The following GNL3L variants were observed in gnomAD, a reference collection of about 807,000 sequenced individuals.
GNL3L encodes the protein guanine nucleotide-binding protein-like 3-like protein.
Under a neutral mutation model 42.9 loss-of-function variants are expected in GNL3L, and 4 were observed. The observed-to-expected ratio is 0.09, with a 90% CI of 0.05 to 0.21. The LOEUF (loss-of-function observed/expected upper bound fraction) is 0.21. Among genes scored for constraint, GNL3L ranks in the 10% least tolerant of loss-of-function variants. The probability of loss-of-function intolerance (pLI) is 1.00; values close to 1 mark genes in which losing one functional copy is unlikely to be tolerated. For synonymous variants in GNL3L, 159 were observed against 176.3 expected, an observed-to-expected ratio of 0.90 and a Z score of 0.78; for missense variants, 412 against 481.7, an observed-to-expected ratio of 0.86 and a Z score of 1.36.
chrX:54,615,602 TTATCTC>T (rs1300076522), intron 16 of GNL3L, among the ~76,000 whole-genome samples: 1 of 112,120 alleles, frequency 8.9e-6, no homozygotes, highest in Non-Finnish European at 1.9e-5. Context: ...GTCTTCCCCT[TTATCTC>T]TACTAAGTAT....
intron 14 of GNL3L, among the ~76,000 whole-genome samples, chrX:54,556,497 G>C (rs187866929): frequency 2.9e-3 from 318 of 110,899 alleles, no homozygotes; most frequent in African/African-American, 0.01. Context: ...TGGGGACACA[G>C]CCAAACCCTA....
At chrX:54,557,645 G>A (rs779024453) in intron 14 of GNL3L, among the ~76,000 whole-genome samples, 10 of 109,902 alleles carry the variant, frequency 9.1e-5, no homozygotes, top group Non-Finnish European at 1.7e-4. Flanking sequence ...TGTTGGCCAG[G>A]CTGGTCTCGA....
intron 14 of GNL3L, among the ~76,000 whole-genome samples, chrX:54,556,389 G>A (rs746869025): frequency 9.0e-6 from 1 of 110,733 alleles, no homozygotes; most frequent in South Asian, 3.9e-4. Context: ...GCATGGGGGA[G>A]ACCACCCCCA....
At chrX:54,640,596 T>A in the GNL3L span, among the ~76,000 whole-genome samples, 3,525 of 112,545 alleles carry the variant, frequency 0.031, 139 homozygotes, top group African/African-American at 0.11. Context: ...ACCACCAAAA[T>A]ATATCTCTGC....
chrX:54,624,541 G>A (rs1018302477), downstream of GNL3L, among the ~76,000 whole-genome samples: 4 of 105,043 alleles, frequency 3.8e-5, no homozygotes, highest in Admixed American at 1.0e-4. Flanking sequence ...GGGTTCAAGC[G>A]ATTCTCCTGC....
At chrX:54,626,484 A>G (rs769465796), downstream of GNL3L, among the ~76,000 whole-genome samples, 1 of 111,848 alleles carries the variant, frequency 8.9e-6, no homozygotes, top group Non-Finnish European at 1.9e-5. Context: ...TGCTGCAATA[A>G]ACATAGGGGT....
rs1208170857 is a variant in GNL3L at position 54,585,304 on chromosome X, A to AT, written c.*45+24667dup. Among the ~76,000 whole-genome samples the AT allele has an allele frequency of 6.8e-4, 72 of 105,305 alleles. 1 individual carries two copies. The highest frequency in any genetic ancestry group is 9.6e-3 in the Middle Eastern group (2 of 209). 91.4% of individuals were successfully genotyped at this position (105,305 alleles called of 115,157 possible). A position where few individuals can be genotyped will look rare whatever the true frequency, so the allele number is the denominator to read the frequency against. On this transcript the variant is annotated intron_variant, in intron 16 of 16. Coordinates refer to the GNL3L transcript ENST00000674498. ...AATGAATTTTGAAGTATTTTCCCTT[A>AT]TTTTTTTTTTAGAAGATTTTGAGAA...
intron 16 of GNL3L, among the ~76,000 whole-genome samples, chrX:54,590,793 GATTT>G (rs752558764): frequency 9.3e-4 from 102 of 109,777 alleles, no homozygotes; most frequent in East Asian, 7.1e-3. Flanking sequence ...TTAGGTCTTA[GATTT>G]ATTTATTTAT....
the GNL3L span, among the ~76,000 whole-genome samples, chrX:54,642,550 T>C: frequency 9.0e-6 from 1 of 111,040 alleles, no homozygotes; most frequent in Non-Finnish European, 1.9e-5. Context: ...AAAAAATTTT[T>C]TTTCCTTCGC....
intron 14 of GNL3L, among the ~76,000 whole-genome samples, chrX:54,555,496 A>G (rs1427584187): frequency 9.2e-6 from 1 of 108,750 alleles, no homozygotes; most frequent in Non-Finnish European, 1.9e-5. Flanking sequence ...TTTGAGATGG[A>G]AACTCGCTCT....
At chrX:54,587,749 C>T (rs1420248293) in intron 16 of GNL3L, among the ~76,000 whole-genome samples, 1 of 108,985 alleles carries the variant, frequency 9.2e-6, no homozygotes, top group Non-Finnish European at 1.9e-5. Context: ...GGCACGATCT[C>T]AGCTCACTGC....
intron 9 of GNL3L, among the ~76,000 whole-genome samples, chrX:54,549,369 C>A (rs1016654371): frequency 9.0e-6 from 1 of 111,297 alleles, no homozygotes; most frequent in Non-Finnish European, 1.9e-5. Context: ...CCACACACAC[C>A]CACCCCAACG....
Position 54,544,246 on chromosome X carries a change from G to C in GNL3L, c.550G>C (p.Glu184Gln), listed in dbSNP as rs986925343. Reference protein sequence around the residue: ...KIDLVPKEVVEKWLDYLRNEL... With the variant: ...KIDLVPKEVVQKWLDYLRNEL... ...AGACCTGGTCCCCAAGGAGGTTGTG[G>C]AGAAATGGCTGGATTACCTTCGGAA... The change falls in exon 8 of 16, where the codon GAG becomes CAG. Residue 184 changes from glutamate to glutamine, a missense_variant. Coordinates refer to ENST00000360845, the MANE Select transcript of GNL3L (RefSeq NM_001184819.2). 8.4e-7 allele frequency: 1 copy of C among 1,186,499 alleles called. No individual in the cohort carries two copies. The highest frequency in any genetic ancestry group is 3.0e-5 in the East Asian group (1 of 33,621).
intron 15 of GNL3L, among the ~76,000 whole-genome samples, chrX:54,558,876 C>G (rs1023354550): frequency 8.9e-6 from 1 of 111,983 alleles, no homozygotes; most frequent in Non-Finnish European, 1.9e-5. Flanking sequence ...AGGCTGGTCT[C>G]AAACTCCTGA....
rs947211096 is a variant in GNL3L at position 54,540,417 on chromosome X, C to T, written c.189+175C>T. 7.1e-5 allele frequency among the ~76,000 whole-genome samples: 8 copies of T among 111,890 alleles called. No individual in the cohort carries two copies. The East Asian group carries it at 2.3e-3, about 31-fold the overall frequency. On this transcript the variant is annotated intron_variant, in intron 4 of 15. Coordinates refer to ENST00000360845, the MANE Select transcript of GNL3L (RefSeq NM_001184819.2). ...GATTTATGTCTGCGTTTGTTCACCA[C>T]CCAGTCCATTGCTGTCTGGCTTATG... is the stretch of plus-strand genomic sequence containing the variant.
chrX:54,584,106 G>A (rs1323377748), intron 16 of GNL3L, among the ~76,000 whole-genome samples: 3 of 97,441 alleles, frequency 3.1e-5, no homozygotes, highest in Non-Finnish European at 6.1e-5. Context: ...TTTTGAGAGC[G>A]AGAGTCTCGC....
At chrX:54,572,003 TTTTA>T (rs1407504420), downstream of GNL3L, among the ~76,000 whole-genome samples, 5 of 108,925 alleles carry the variant, frequency 4.6e-5, no homozygotes, top group South Asian at 3.8e-4. Context: ...TTTATTTTAT[TTTTA>T]TTTATTTATT....
intron 13 of GNL3L, among the ~76,000 whole-genome samples, chrX:54,553,458 C>T (rs1465683788): frequency 1.8e-5 from 2 of 112,341 alleles, no homozygotes; most frequent in East Asian, 2.8e-4. Context: ...GTGTTACACA[C>T]GAGGTTAAGA....
the GNL3L span, among the ~76,000 whole-genome samples, chrX:54,629,885 C>T: frequency 2.7e-5 from 3 of 111,582 alleles, no homozygotes; most frequent in Non-Finnish European, 1.9e-5. Context: ...GCATTTGGTC[C>T]TCTACTTTTT....
Sources: gnomAD v4.1 joint callset for allele counts (sites outside exome capture counted in the v4.1 genomes callset) on GRCh38, gnomAD v4.1.1 for gene constraint, MANE v1.5 for transcripts, NCBI Gene and HGNC (gene_info 2026-07-23, HGNC 2026-07-21) for gene names.